The following VOPP1 variants were observed in gnomAD, a reference collection of about 807,000 sequenced individuals.
VOPP1 encodes the protein WW domain binding protein VOPP1.
A neutral mutation model predicts 23.5 loss-of-function variants in VOPP1; 8 were observed. The ratio of observed to expected loss-of-function variants is 0.34; its 90% CI spans 0.20 to 0.61. The LOEUF (loss-of-function observed/expected upper bound fraction) is 0.61, where lower values mean the gene tolerates loss of function less well. Ranked by LOEUF, VOPP1 falls within the 20% of genes least tolerant of loss-of-function variation. The pLI, the probability that VOPP1 is intolerant of heterozygous loss-of-function variation, is 0.78. For missense variants in VOPP1, 174 were observed against 238.1 expected, an observed-to-expected ratio of 0.73 and a Z score of 1.77; for synonymous variants, 83 against 97.3, an observed-to-expected ratio of 0.85 and a Z score of 0.86.
chr7:55,469,919 C>G (rs78438195), downstream of VOPP1, among the ~76,000 whole-genome samples: 1,792 of 152,284 alleles, frequency 0.012, 13 homozygotes, highest in Admixed American at 0.021. Flanking sequence ...AGCACTGTGG[C>G]TCATGCCTGT....
At chr7:55,474,532 C>T (rs1792089588) in intron 4 of VOPP1, among the ~76,000 whole-genome samples, 1 of 152,194 alleles carries the variant, frequency 6.6e-6, no homozygotes, top group Non-Finnish European at 1.5e-5. Context: ...GCGTGGGAGA[C>T]AAGGGCTGAG....
chr7:55,543,568 C>A (rs1608747), intron 1 of VOPP1, among the ~76,000 whole-genome samples: 92,495 of 152,056 alleles, frequency 0.61, 29,510 homozygotes, highest in Admixed American at 0.7. Context: ...ATATCCTCAC[C>A]ATTTATTTTC....
At chr7:55,462,529 TTC>T (rs764947559) in intron 4 of VOPP1, among the ~76,000 whole-genome samples, 8 of 152,122 alleles carry the variant, frequency 5.3e-5, no homozygotes, top group Non-Finnish European at 7.4e-5. Flanking sequence ...CTCTCTTTTG[TTC>T]TTTGTTCTTC....
chr7:55,452,432 T>G (rs1791267484), intron 4 of VOPP1, among the ~76,000 whole-genome samples: 1 of 152,226 alleles, frequency 6.6e-6, no homozygotes, highest in African/African-American at 2.4e-5. Flanking sequence ...GTTGGTATTT[T>G]GACTGCCTCC....
intron 4 of VOPP1, among the ~76,000 whole-genome samples, chr7:55,474,675 C>A (rs1372922150): frequency 2.0e-5 from 3 of 152,178 alleles, no homozygotes; most frequent in African/African-American, 7.2e-5. Context: ...AGGACAAGGG[C>A]GGGGCAGATG....
rs142388510 is a variant in VOPP1 at position 55,478,143 on chromosome 7, G to A, written c.329-5098C>T. ...ACTTCATTCTCTGCATGAAGCCTGCGGACAGAAGACCAGCACGGTCTGGAA... is the reference window on the plus strand; with the variant it reads ...ACTTCATTCTCTGCATGAAGCCTGCAGACAGAAGACCAGCACGGTCTGGAA... On this transcript the variant is annotated intron_variant, in intron 4 of 4. Coordinates refer to ENST00000285279, the MANE Select transcript of VOPP1 (RefSeq NM_030796.5). Among the ~76,000 whole-genome samples, 961 of 152,254 alleles carry A rather than the reference G, an allele frequency of 6.3e-3. 3 individuals carry two copies. Among genetic ancestry groups the A allele is most frequent in the Non-Finnish European group, 0.01 (693 of 68,018 alleles).
At chr7:55,507,339 T>C (rs1411622579) in intron 2 of VOPP1, among the ~76,000 whole-genome samples, 1 of 152,182 alleles carries the variant, frequency 6.6e-6, no homozygotes, top group African/African-American at 2.4e-5. Flanking sequence ...TGTGACTCTT[T>C]TCTTGGTGCT....
intron 1 of VOPP1, chr7:55,538,550 G>C: frequency 6.9e-7 from 1 of 1,448,912 alleles, no homozygotes; most frequent in Non-Finnish European, 9.4e-7. Flanking sequence ...CAGTCCAACT[G>C]AGGATCACTG....
At chr7:55,525,438 G>A (rs967709139) in intron 1 of VOPP1, among the ~76,000 whole-genome samples, 3 of 150,954 alleles carry the variant, frequency 2.0e-5, no homozygotes, top group African/African-American at 4.9e-5. Context: ...GCAGTGAGCC[G>A]AGATTGCGCC....
intron 4 of VOPP1, among the ~76,000 whole-genome samples, chr7:55,450,834 A>C (rs994722709): frequency 1.3e-5 from 2 of 152,258 alleles, no homozygotes; most frequent in African/African-American, 4.8e-5. Flanking sequence ...TTCTGTTCCC[A>C]TGTGCACTGA....
chr7:55,568,883 ACT>A (rs1351037079), intron 1 of VOPP1, among the ~76,000 whole-genome samples: 1 of 151,976 alleles, frequency 6.6e-6, no homozygotes, highest in Non-Finnish European at 1.5e-5. Context: ...TAGTACTTTC[ACT>A]CTTCCTGTAA....
chr7:55,544,638 G>C (rs974497335), intron 1 of VOPP1, among the ~76,000 whole-genome samples: 1 of 152,192 alleles, frequency 6.6e-6, no homozygotes, highest in Admixed American at 6.5e-5. Context: ...CTCACCAGAG[G>C]GGAAACTGAA....
At chr7:55,543,718 A>C (rs1271388893) in intron 1 of VOPP1, among the ~76,000 whole-genome samples, 3 of 151,712 alleles carry the variant, frequency 2.0e-5, no homozygotes, top group African/African-American at 7.3e-5. Flanking sequence ...TTTTTGAGAA[A>C]TGTCTATTCA....
intron 2 of VOPP1, among the ~76,000 whole-genome samples, chr7:55,520,576 A>G (rs181429352): frequency 1.3e-5 from 2 of 152,348 alleles, no homozygotes; most frequent in East Asian, 3.9e-4. Context: ...TTCTGAGCCA[A>G]GAGCCATGAG....
At chr7:55,508,711 A>G (rs1794885108) in intron 2 of VOPP1, among the ~76,000 whole-genome samples, 1 of 152,168 alleles carries the variant, frequency 6.6e-6, no homozygotes, top group Admixed American at 6.5e-5. Context: ...ACTAAATATA[A>G]GGTTAAAAAA....
chr7:55,546,873 A>C (rs1456170497), intron 1 of VOPP1, among the ~76,000 whole-genome samples: 2 of 152,212 alleles, frequency 1.3e-5, no homozygotes, highest in Non-Finnish European at 2.9e-5. Context: ...TCAGGTCTGC[A>C]TCCTAAAACC....
At chr7:55,504,991 T>A (rs1226273084) in intron 2 of VOPP1, among the ~76,000 whole-genome samples, 1 of 152,198 alleles carries the variant, frequency 6.6e-6, no homozygotes, top group African/African-American at 2.4e-5. Context: ...GGGACCCAAA[T>A]ATAGGACCTT....
chr7:55,502,783 T>C (rs1487355882), intron 2 of VOPP1, among the ~76,000 whole-genome samples: 1 of 152,218 alleles, frequency 6.6e-6, no homozygotes, highest in Non-Finnish European at 1.5e-5. Context: ...AGCCTCAGAA[T>C]GGCAATGCTG....
intron 3 of VOPP1, among the ~76,000 whole-genome samples, chr7:55,495,259 C>T (rs1793872323): frequency 6.6e-6 from 1 of 152,196 alleles, no homozygotes; most frequent in Admixed American, 6.5e-5. Context: ...CTTCTCTACT[C>T]TTGATTCCAT....
Sources: allele counts gnomAD v4.1 joint callset (sites outside exome capture counted in the v4.1 genomes callset), GRCh38; gene constraint gnomAD v4.1.1; transcripts MANE v1.5; gene names NCBI Gene and HGNC (gene_info 2026-07-23, HGNC 2026-07-21).